The following DIS3L variants were observed in gnomAD, a reference collection of about 807,000 sequenced individuals.
The protein encoded by DIS3L is DIS3-like exonuclease 1.
Under a neutral mutation model 120.3 loss-of-function variants are expected in DIS3L, and 100 were observed. That is an observed-to-expected ratio of 0.83 (90% CI 0.71 to 0.98). DIS3L has a LOEUF of 0.98. Ranked by LOEUF, DIS3L falls within the 50% of genes least tolerant of loss-of-function variation. The pLI, the probability that DIS3L is intolerant of heterozygous loss-of-function variation, is 0.00. For missense variants in DIS3L, 1,196 were observed against 1,314.2 expected (o/e 0.91, Z 1.39); for synonymous variants, 426 against 470.6 (o/e 0.91, Z 1.23).
chr15:66,331,514 C>G (rs2092998301), intron 14 of DIS3L: 1 of 154,762 alleles, frequency 6.5e-6, no homozygotes, highest in African/African-American at 2.4e-5. Flanking sequence ...GAGATTGCAC[C>G]ACTGTACTCC....
At chr15:66,303,917 C>T (rs1438097444) in intron 2 of DIS3L, among the ~76,000 whole-genome samples, 9 of 150,770 alleles carry the variant, frequency 6.0e-5, no homozygotes, top group African/African-American at 2.2e-4. Context: ...CGGTGAACCC[C>T]GTCGCTACTA....
chr15:66,306,446 C>G (rs2092703198), intron 2 of DIS3L, among the ~76,000 whole-genome samples: 1 of 152,096 alleles, frequency 6.6e-6, no homozygotes, highest in African/African-American at 2.4e-5. Context: ...AAAGTGAGGT[C>G]CAAAAATAAA....
intron 5 of DIS3L, among the ~76,000 whole-genome samples, chr15:66,313,533 A>T (rs1029866273): frequency 3.9e-5 from 6 of 152,092 alleles, no homozygotes; most frequent in Non-Finnish European, 8.8e-5. Flanking sequence ...GTTCAAGACC[A>T]GCCTGACCAA....
At chr15:66,315,531 T>G (rs1050398570) in intron 7 of DIS3L, among the ~76,000 whole-genome samples, 19 of 152,264 alleles carry the variant, frequency 1.2e-4, no homozygotes, top group Non-Finnish European at 1.2e-4. Context: ...TGTTATTAAC[T>G]ATAGTCACAG....
At chr15:66,324,405 T>C (rs770390651) in intron 11 of DIS3L, among the ~76,000 whole-genome samples, 26 of 152,310 alleles carry the variant, frequency 1.7e-4, no homozygotes, top group Middle Eastern at 6.8e-3. Context: ...ACTCCTGTGC[T>C]CAAGTGATCC....
At chr15:66,308,985 C>A in intron 4 of DIS3L, 141 bp downstream of exon 4, 2 of 835,152 alleles carry the variant, frequency 2.4e-6, no homozygotes, top group East Asian at 3.1e-5. Flanking sequence ...TGGCTCATGC[C>A]TGTAATCCCA....
At chr15:66,293,414 G>C (rs990635708), upstream of DIS3L, 17 of 1,147,888 alleles carry the variant, frequency 1.5e-5, no homozygotes, top group Non-Finnish European at 1.8e-5. Flanking sequence ...ACTGAGGGAA[G>C]GGAAGAAACT....
intron 2 of DIS3L, among the ~76,000 whole-genome samples, chr15:66,299,681 AG>A (rs1055255184): frequency 2.0e-5 from 3 of 152,192 alleles, no homozygotes; most frequent in African/African-American, 7.2e-5. Context: ...GTTTCCAAGG[AG>A]TATTTAATAG....
At chr15:66,330,475 T>C (rs1226200923) in intron 14 of DIS3L, 1 of 985,294 alleles carries the variant, frequency 1.0e-6, no homozygotes, top group Admixed American at 6.1e-5. Flanking sequence ...ACGCAGGAAA[T>C]TGGAAACTAC....
intron 2 of DIS3L, 123 bp from the exon 3 acceptor site, chr15:66,306,701 C>T: frequency 7.4e-7 from 1 of 1,351,428 alleles, no homozygotes; most frequent in Non-Finnish European, 1.0e-6. Context: ...AATACATGTT[C>T]TTCAGGTTTA....
intron 11 of DIS3L, among the ~76,000 whole-genome samples, chr15:66,324,087 C>T (rs1262960867): frequency 5.3e-5 from 8 of 152,076 alleles, no homozygotes; most frequent in Non-Finnish European, 1.2e-4. Flanking sequence ...TTACCAGTTC[C>T]GTATTAGTTT....
intron 8 of DIS3L, among the ~76,000 whole-genome samples, chr15:66,319,389 A>G (rs921300842): frequency 2.0e-5 from 3 of 152,222 alleles, no homozygotes; most frequent in Non-Finnish European, 4.4e-5. Context: ...TCCAACATAG[A>G]AACTTTCTAT....
intron 8 of DIS3L, among the ~76,000 whole-genome samples, chr15:66,319,952 TAAA>T (rs34195061): frequency 4.6e-5 from 5 of 108,066 alleles, no homozygotes; most frequent in Admixed American, 3.0e-4. Flanking sequence ...CCATTTCTAC[TAAA>T]AAAAAAAAAA....
Position 66,323,546 on chromosome 15 carries a change from T to C in DIS3L, c.1628T>C (p.Leu543Pro). The C allele has an allele frequency of 6.2e-7, 1 of 1,614,270 alleles. No individual in the cohort carries two copies. The highest frequency in any genetic ancestry group is 8.5e-7 in the Non-Finnish European group (1 of 1,180,044). ...DRRYDMLPSVLSADLCSLLGG... is the reference protein window; with the variant it reads ...DRRYDMLPSVPSADLCSLLGG... ...CGCTATGACATGCTGCCTTCCGTCCTCAGTGCAGATTTGTGTTCCCTTCTG... is the reference window on the plus strand; with the variant it reads ...CGCTATGACATGCTGCCTTCCGTCCCCAGTGCAGATTTGTGTTCCCTTCTG... The change falls in exon 11 of 17, where the codon CTC (leucine) becomes CCC (proline). Residue 543 changes from leucine to proline, a missense_variant. Leu to Pro is a moderately conservative substitution (Grantham distance 98). Transcript: ENST00000319212.
chr15:66,298,693 A>G (rs922690988), intron 2 of DIS3L, among the ~76,000 whole-genome samples: 2 of 152,248 alleles, frequency 1.3e-5, no homozygotes, highest in Non-Finnish European at 2.9e-5. Context: ...CGTTCAGGAT[A>G]ATCACATGTT....
chr15:66,301,271 ATATTTATT>A (rs59588832), intron 2 of DIS3L, among the ~76,000 whole-genome samples: 15 of 150,796 alleles, frequency 9.9e-5, no homozygotes, highest in East Asian at 3.9e-4. Context: ...AGTTGAATTT[ATATTTATT>A]TATTTATTTA....
intron 4 of DIS3L, among the ~76,000 whole-genome samples, chr15:66,311,379 T>C (rs1287571344): frequency 2.0e-5 from 3 of 152,020 alleles, no homozygotes; most frequent in East Asian, 1.9e-4. Flanking sequence ...AAAGTACATA[T>C]AGGCCATTGT....
intron 12 of DIS3L, 117 bp from the exon 13 acceptor site, chr15:66,328,853 A>C (rs2092965518): frequency 2.2e-6 from 3 of 1,349,706 alleles, no homozygotes; most frequent in Non-Finnish European, 3.0e-6. Context: ...AACGTGTCCA[A>C]AACAAATTTA....
At chr15:66,313,057 G>A (rs1351463643) in intron 5 of DIS3L, among the ~76,000 whole-genome samples, 1 of 152,028 alleles carries the variant, frequency 6.6e-6, no homozygotes, top group African/African-American at 2.4e-5. Flanking sequence ...GTGCAGTGGT[G>A]CAATCTCGGC....
Sources: allele counts gnomAD v4.1 joint callset (sites outside exome capture counted in the v4.1 genomes callset), GRCh38; gene constraint gnomAD v4.1.1; transcripts MANE v1.5; gene names NCBI Gene and HGNC (gene_info 2026-07-23, HGNC 2026-07-21).